The following SP110 variants were observed in gnomAD, a reference collection of about 807,000 sequenced individuals.
The protein encoded by SP110 is SP110 nuclear body protein.
A neutral mutation model predicts 92.7 loss-of-function variants in SP110; 62 were observed. The observed-to-expected ratio is 0.67, with a 90% CI of 0.55 to 0.83. SP110 has a LOEUF of 0.83. Ranked by LOEUF, SP110 falls within the 40% of genes least tolerant of loss-of-function variation. The pLI, the probability that SP110 is intolerant of heterozygous loss-of-function variation, is 0.00. For synonymous variants in SP110, 273 were observed against 305.3 expected (o/e 0.89, Z 1.10); for missense variants, 793 against 863.9 (o/e 0.92, Z 1.03).
chr2:230,207,257 T>C (rs1428833025), intron 8 of SP110, among the ~76,000 whole-genome samples: 1 of 152,200 alleles, frequency 6.6e-6, no homozygotes, highest in East Asian at 1.9e-4. Flanking sequence ...CTATTTTGAA[T>C]AGAAAGATTC....
At chr2:230,170,223 T>G (rs2078398474) in intron 18 of SP110, among the ~76,000 whole-genome samples, 1 of 150,316 alleles carries the variant, frequency 6.7e-6, no homozygotes, top group African/African-American at 2.5e-5. Context: ...AGCCTGATTA[T>G]CCAGGAAGTT....
chr2:230,213,262 C>A (rs2044697414), intron 3 of SP110, among the ~76,000 whole-genome samples: 1 of 152,102 alleles, frequency 6.6e-6, no homozygotes, highest in Admixed American at 6.6e-5. Flanking sequence ...TGATCTAATA[C>A]CAAAATGGTT....
chr2:230,180,095 T>G (rs2042062123), intron 12 of SP110, among the ~76,000 whole-genome samples: 1 of 151,982 alleles, frequency 6.6e-6, no homozygotes, highest in Non-Finnish European at 1.5e-5. Context: ...GCTGGCTTGT[T>G]TGAAAGGTGA....
chr2:230,203,634 T>C (rs916668361), intron 8 of SP110: 11 of 151,806 alleles, frequency 7.2e-5, no homozygotes, highest in East Asian at 1.9e-4. Context: ...GGGTTTTTTT[T>C]CTGCATAACT....
At chr2:230,217,219 C>T (rs1966555) in intron 1 of SP110, among the ~76,000 whole-genome samples, 71,764 of 143,636 alleles carry the variant, frequency 0.5, 18,198 homozygotes, top group African/African-American at 0.61. Context: ...GCACTCCAGC[C>T]TGGGTGACAG....
chr2:230,182,495 T>C (rs978008891), intron 12 of SP110, among the ~76,000 whole-genome samples: 1 of 151,902 alleles, frequency 6.6e-6, no homozygotes, highest in Non-Finnish European at 1.5e-5. Flanking sequence ...TCTGAGGGTG[T>C]ATAGCAAAGA....
At chr2:230,204,966 G>A (rs1357084551) in intron 8 of SP110, among the ~76,000 whole-genome samples, 2 of 152,118 alleles carry the variant, frequency 1.3e-5, no homozygotes, top group Non-Finnish European at 2.9e-5. Context: ...AGTTTTGAGT[G>A]GAAAGAGATA....
intron 10 of SP110, among the ~76,000 whole-genome samples, chr2:230,198,148 G>A (rs541762295): frequency 8.0e-6 from 1 of 124,576 alleles, no homozygotes; most frequent in East Asian, 2.5e-4. Context: ...GGGCCCTCCA[G>A]GGCTGCTGTC....
intron 15 of SP110, chr2:230,172,603 C>A (rs2278199): frequency 0.43 from 240,867 of 554,694 alleles, 54,980 homozygotes; most frequent in Non-Finnish European, 0.5. Context: ...CCCGTCCCCT[C>A]CTCCTTTTGG....
At chr2:230,223,333 C>A (rs1019403299), upstream of SP110, among the ~76,000 whole-genome samples, 1 of 152,206 alleles carries the variant, frequency 6.6e-6, no homozygotes, top group Non-Finnish European at 1.5e-5. Context: ...CCATGCCCAG[C>A]CCAGTCTGAC....
At chr2:230,176,667 A>C (rs746946459) in intron 14 of SP110, 26 of 1,613,788 alleles carry the variant, frequency 1.6e-5, no homozygotes, top group Non-Finnish European at 2.2e-5. Context: ...GTAGAAATTC[A>C]CTTGCTATTT....
chr2:230,185,963 T>C (rs1159048660), intron 11 of SP110, 31 bp downstream of exon 11: 6 of 1,607,384 alleles, frequency 3.7e-6, no homozygotes, highest in Non-Finnish European at 5.1e-6. Context: ...CATTGAGCTA[T>C]TCAAATAGCA....
At chr2:230,189,878 A>G (rs564149725) in intron 10 of SP110, among the ~76,000 whole-genome samples, 1 of 152,176 alleles carries the variant, frequency 6.6e-6, no homozygotes, top group African/African-American at 2.4e-5. Flanking sequence ...TGATCTTATT[A>G]CTTTTTATGG....
chr2:230,176,137 T>A (rs915672592), intron 14 of SP110, among the ~76,000 whole-genome samples: 3 of 151,112 alleles, frequency 2.0e-5, no homozygotes, highest in African/African-American at 7.3e-5. Flanking sequence ...AAAGAAGGGG[T>A]TTTGTCCTGT....
upstream of SP110, chr2:230,221,845 A>G (rs2045846549): frequency 2.1e-6 from 2 of 962,548 alleles, no homozygotes; most frequent in African/African-American, 3.3e-5. Context: ...CAGGAGTGGG[A>G]AAATAAAGTC....
At chr2:230,200,183 T>C (rs2043068255) in intron 10 of SP110, among the ~76,000 whole-genome samples, 2 of 152,230 alleles carry the variant, frequency 1.3e-5, no homozygotes, top group South Asian at 4.1e-4. Context: ...AATTAGATAT[T>C]TGTTGTTTGA....
At chr2:230,189,044 T>C (rs774318666) in intron 10 of SP110, among the ~76,000 whole-genome samples, 4 of 152,154 alleles carry the variant, frequency 2.6e-5, no homozygotes, top group Admixed American at 6.5e-5. Flanking sequence ...GTGGTGTCAG[T>C]TGTAATGTCT....
At chr2:230,220,608 C>T (rs1199008232), upstream of SP110, among the ~76,000 whole-genome samples, 1 of 152,214 alleles carries the variant, frequency 6.6e-6, no homozygotes, top group East Asian at 1.9e-4. Flanking sequence ...CTGGGACCTG[C>T]TGATTCCAGA....
chr2:230,212,795 G>A lies in SP110; in HGVS notation c.549C>T (p.Leu183=), dbSNP rs887156122. Residue 183 remains leucine, a synonymous_variant, in exon 4 of 19, where the codon CTC becomes CTT. Coordinates refer to ENST00000258381, the MANE Select transcript of SP110 (RefSeq NM_080424.4). ...TTCTTCCTTCCTGGATGAGTGCAGG[G>A]AGAGGCAGGACAGGGTCAGATGGGC... ...SPSPSDPVLP[L]PALIQEGRST... 6.2e-7 allele frequency: 1 copy of A among 1,614,170 alleles called. No individual in the cohort carries two copies. Among genetic ancestry groups the A allele is most frequent in the Non-Finnish European group, 8.5e-7 (1 of 1,180,020 alleles).
Sources: gnomAD v4.1 joint callset for allele counts (sites outside exome capture counted in the v4.1 genomes callset) on GRCh38, gnomAD v4.1.1 for gene constraint, MANE v1.5 for transcripts, NCBI Gene and HGNC (gene_info 2026-07-23, HGNC 2026-07-21) for gene names.